VPS50: variants seen among roughly 807,000 people sequenced by gnomAD.
VPS50 encodes the protein VPS50 subunit of EARP/GARPII complex.
A neutral mutation model predicts 139.7 loss-of-function variants in VPS50; 70 were observed. That is an observed-to-expected ratio of 0.50 (90% CI 0.41 to 0.61). The LOEUF (loss-of-function observed/expected upper bound fraction) is 0.61. Among genes scored for constraint, VPS50 ranks in the 20% least tolerant of loss-of-function variants. The pLI is 0.00. For missense variants in VPS50, 921 were observed against 1,133.7 expected (o/e 0.81, Z 2.69); for synonymous variants, 365 against 376.7 (o/e 0.97, Z 0.36).
intron 2 of VPS50, among the ~76,000 whole-genome samples, chr7:93,242,708 T>C (rs1275668583): frequency 6.6e-6 from 1 of 151,966 alleles, no homozygotes; most frequent in Non-Finnish European, 1.5e-5. Context: ...TGCCTGGTCT[T>C]CAGGAATCGG....
At chr7:93,247,474 A>G (rs186010071) in intron 2 of VPS50, among the ~76,000 whole-genome samples, 7 of 151,928 alleles carry the variant, frequency 4.6e-5, no homozygotes, top group South Asian at 4.2e-4. Context: ...TTTGCTTTAT[A>G]TTTGTAACCC....
chr7:93,324,686 A>G (rs1797717296), intron 21 of VPS50, among the ~76,000 whole-genome samples: 1 of 152,214 alleles, frequency 6.6e-6, no homozygotes, highest in Non-Finnish European at 1.5e-5. Flanking sequence ...GTGAACTCCC[A>G]TTCACAATTG....
At chr7:93,270,994 ATTCT>A (rs904666233) in intron 9 of VPS50, 18 of 491,410 alleles carry the variant, frequency 3.7e-5, no homozygotes, top group Middle Eastern at 6.4e-4. Context: ...TTATCTGTAG[ATTCT>A]TTCTTTCTAC....
At chr7:93,322,555 G>A (rs958537803) in intron 20 of VPS50, among the ~76,000 whole-genome samples, 3 of 141,396 alleles carry the variant, frequency 2.1e-5, no homozygotes, top group African/African-American at 8.1e-5. Context: ...AGCCGAGATC[G>A]CGCCACTGCA....
chr7:93,281,126 C>T (rs1453886576), intron 12 of VPS50, among the ~76,000 whole-genome samples: 1 of 152,178 alleles, frequency 6.6e-6, no homozygotes, highest in East Asian at 1.9e-4. Context: ...AAAACCAACA[C>T]TGAGCACCTT....
chr7:93,298,428 A>G (rs1192887522), intron 16 of VPS50, among the ~76,000 whole-genome samples: 2 of 152,140 alleles, frequency 1.3e-5, no homozygotes, highest in Non-Finnish European at 2.9e-5. Context: ...ATGGATGGGG[A>G]AATAAAATGG....
chr7:93,257,288 A>G, intron 5 of VPS50, 106 bp from the exon 6 acceptor site: 1 of 626,620 alleles, frequency 1.6e-6, no homozygotes, highest in Non-Finnish European at 2.8e-6. Flanking sequence ...TTGTTTTTCA[A>G]GCAGGTTTTC....
At chr7:93,259,019 T>C (rs1795582883) in intron 8 of VPS50, among the ~76,000 whole-genome samples, 1 of 152,038 alleles carries the variant, frequency 6.6e-6, no homozygotes, top group African/African-American at 2.4e-5. Context: ...CTAACTAGGG[T>C]TTCAGAAACC....
chr7:93,287,907 A>G (rs1393985459), intron 12 of VPS50, among the ~76,000 whole-genome samples: 1 of 152,170 alleles, frequency 6.6e-6, no homozygotes, highest in Non-Finnish European at 1.5e-5. Flanking sequence ...CTAAAAATAA[A>G]CCAAGTGTAT....
intron 19 of VPS50, among the ~76,000 whole-genome samples, chr7:93,309,438 G>T (rs534861273): frequency 6.6e-6 from 1 of 151,818 alleles, no homozygotes; most frequent in African/African-American, 2.4e-5. Context: ...AAAATATTGG[G>T]CATAATCAAA....
In VPS50 at chr7:93,252,680, C is replaced by A; in HGVS notation, c.130C>A (p.Pro44Thr). The change falls in exon 3 of 28, where the codon CCA becomes ACA. Residue 44 changes from proline (P) to threonine (T), a missense_variant. Physicochemically the swap from Pro to Thr is conservative, Grantham distance 38. Coordinates refer to ENST00000305866, the MANE Select transcript of VPS50 (RefSeq NM_017667.4). The stretch of plus-strand genomic sequence containing the variant: ...AGAATTCAGGGAACTTCGAGAACAG[C>A]CAAGTGACCCTCAAGCTGAACAAGA... Reference protein sequence around the residue: ...KEEFRELREQPSDPQAEQELI... With the variant: ...KEEFRELREQTSDPQAEQELI... 1.2e-6 allele frequency: 2 copies of A among 1,602,078 alleles called. No homozygotes were observed. The highest frequency in any genetic ancestry group is 1.7e-6 in the Non-Finnish European group (2 of 1,172,072).
At chr7:93,286,006 C>A (rs993062815) in intron 12 of VPS50, among the ~76,000 whole-genome samples, 3 of 151,896 alleles carry the variant, frequency 2.0e-5, no homozygotes, top group Admixed American at 6.6e-5. Context: ...GTTAAAATTT[C>A]CTTTTTTTTC....
At chr7:93,349,630 G>T (rs1700744797) in intron 24 of VPS50, among the ~76,000 whole-genome samples, 1 of 152,116 alleles carries the variant, frequency 6.6e-6, no homozygotes, top group African/African-American at 2.4e-5. Flanking sequence ...TACATGAAGA[G>T]CTCTAGTTCT....
chr7:93,266,393 G>A (rs544560134), intron 9 of VPS50, among the ~76,000 whole-genome samples: 1 of 152,246 alleles, frequency 6.6e-6, no homozygotes, highest in African/African-American at 2.4e-5. Flanking sequence ...ACAGACCAGG[G>A]AAAGATCATT....
chr7:93,334,378 CATAAAAGAATA>C (rs1284721222), intron 22 of VPS50, among the ~76,000 whole-genome samples, 181 bp downstream of exon 22: 2 of 151,926 alleles, frequency 1.3e-5, no homozygotes, highest in Non-Finnish European at 2.9e-5. Flanking sequence ...AACTAGTATA[CATAAAAGAATA>C]TGATATTGGG....
chr7:93,342,410 C>G (rs991949148), intron 23 of VPS50, among the ~76,000 whole-genome samples: 16 of 152,216 alleles, frequency 1.1e-4, no homozygotes, highest in African/African-American at 3.6e-4. Flanking sequence ...GAGGGGCACC[C>G]GCCATTGCCC....
chr7:93,242,351 A>G (rs1472670226), intron 2 of VPS50, among the ~76,000 whole-genome samples: 1 of 151,880 alleles, frequency 6.6e-6, no homozygotes, highest in Non-Finnish European at 1.5e-5. Flanking sequence ...AAACTCCTTG[A>G]AATTGGCAGT....
intron 1 of VPS50, among the ~76,000 whole-genome samples, chr7:93,237,993 G>C (rs1794868560): frequency 6.6e-6 from 1 of 152,162 alleles, no homozygotes; most frequent in Non-Finnish European, 1.5e-5. Flanking sequence ...CCAATTGTAA[G>C]TCGAGGAGCA....
At chr7:93,291,931 G>T in intron 13 of VPS50, 96 bp downstream of exon 13, 1 of 760,502 alleles carries the variant, frequency 1.3e-6, no homozygotes, top group South Asian at 2.4e-5. Flanking sequence ...ATGCCTTTGG[G>T]ATTTCAAAGA....
Sources: allele counts gnomAD v4.1 joint callset (sites outside exome capture counted in the v4.1 genomes callset), GRCh38; gene constraint gnomAD v4.1.1; transcripts MANE v1.5; gene names NCBI Gene and HGNC (gene_info 2026-07-23, HGNC 2026-07-21).